The following CHD9 variants were observed in gnomAD, a reference collection of about 807,000 sequenced individuals.
CHD9 encodes ATP-dependent chromatin remodeler CHD9.
In CHD9, 77 loss-of-function variants were observed where a neutral mutation model predicts 316.1. The ratio of observed to expected loss-of-function variants is 0.24; its 90% CI spans 0.20 to 0.29. CHD9 has a LOEUF of 0.29. Ranked by LOEUF, CHD9 falls within the 10% of genes least tolerant of loss-of-function variation. The probability of loss-of-function intolerance (pLI) is 1.00; values close to 1 mark genes in which losing one functional copy is unlikely to be tolerated. For synonymous variants in CHD9, 1,129 were observed against 1,158.3 expected, an observed-to-expected ratio of 0.97 and a Z score of 0.51; for missense variants, 2,763 against 3,438.1, an observed-to-expected ratio of 0.80 and a Z score of 4.91.
At chr16:53,093,812 T>C (rs1379567741) in intron 1 of CHD9, among the ~76,000 whole-genome samples, 2 of 152,134 alleles carry the variant, frequency 1.3e-5, no homozygotes, top group South Asian at 2.1e-4. Context: ...TCTCTCATGA[T>C]GGACACTGAT....
chr16:53,215,554 T>A (rs528496807), intron 3 of CHD9, among the ~76,000 whole-genome samples: 1 of 152,312 alleles, frequency 6.6e-6, no homozygotes, highest in Admixed American at 6.5e-5. Context: ...TGTTTTGAGT[T>A]TATATTTGAG....
At chr16:53,180,627 A>G (rs1302983933) in intron 2 of CHD9, among the ~76,000 whole-genome samples, 1 of 152,096 alleles carries the variant, frequency 6.6e-6, no homozygotes. Flanking sequence ...TCTGATCTCT[A>G]TTAGTGGTAT....
chr16:53,178,002 C>T (rs2043201826), intron 2 of CHD9, among the ~76,000 whole-genome samples: 2 of 152,170 alleles, frequency 1.3e-5, no homozygotes, highest in African/African-American at 4.8e-5. Context: ...TAAGCATGCA[C>T]ATACTGGCAG....
chr16:53,195,327 A>G (rs1185669636), intron 2 of CHD9, among the ~76,000 whole-genome samples: 1 of 152,226 alleles, frequency 6.6e-6, no homozygotes, highest in Non-Finnish European at 1.5e-5. Flanking sequence ...CATATACCCA[A>G]GATTGGAATT....
intron 24 of CHD9, among the ~76,000 whole-genome samples, chr16:53,278,457 A>G (rs1302227128): frequency 6.6e-6 from 1 of 152,126 alleles, no homozygotes; most frequent in African/African-American, 2.4e-5. Context: ...ATAAAGCCAA[A>G]CACAGCCAAC....
chr16:53,081,195 G>A (rs1197179062), intron 1 of CHD9, among the ~76,000 whole-genome samples: 1 of 152,220 alleles, frequency 6.6e-6, no homozygotes, highest in Non-Finnish European at 1.5e-5. Context: ...ATGGAGGCAG[G>A]ATGGAAAATC....
At chr16:53,260,699 A>G (rs1003466536) in intron 19 of CHD9, among the ~76,000 whole-genome samples, 26 of 152,162 alleles carry the variant, frequency 1.7e-4, no homozygotes, top group South Asian at 2.1e-4. Context: ...TTCATTCTGG[A>G]AGCTTTAGGG....
chr16:53,295,079 A>G (rs1377856745), intron 29 of CHD9, among the ~76,000 whole-genome samples: 1 of 151,964 alleles, frequency 6.6e-6, no homozygotes. Context: ...TGTTTATTTC[A>G]CACTTAGCCC....
chr16:53,120,443 G>A (rs144058438), intron 1 of CHD9, among the ~76,000 whole-genome samples: 2 of 151,818 alleles, frequency 1.3e-5, no homozygotes, highest in East Asian at 1.9e-4. Flanking sequence ...GAGAAACTCC[G>A]TCTCTACTAA....
intron 27 of CHD9, among the ~76,000 whole-genome samples, chr16:53,290,210 G>T (rs1270684722): frequency 6.6e-6 from 1 of 152,162 alleles, no homozygotes; most frequent in Non-Finnish European, 1.5e-5. Flanking sequence ...GGAGGCGGAG[G>T]TTGCAGTGAG....
intron 2 of CHD9, among the ~76,000 whole-genome samples, chr16:53,192,559 ATG>A (rs1216378749): frequency 1.3e-5 from 2 of 152,284 alleles, no homozygotes; most frequent in Middle Eastern, 3.4e-3. Context: ...GTTTTGAAAA[ATG>A]TGCACAGTTC....
At chr16:53,238,653 C>A in intron 12 of CHD9, 67 bp downstream of exon 12, 1 of 1,458,998 alleles carries the variant, frequency 6.9e-7, no homozygotes, top group Non-Finnish European at 9.4e-7. Context: ...CATTACCTAC[C>A]AATTATTTTC....
chr16:53,074,221 G>A (rs770503481), intron 1 of CHD9, among the ~76,000 whole-genome samples: 3 of 152,156 alleles, frequency 2.0e-5, no homozygotes, highest in Non-Finnish European at 4.4e-5. Flanking sequence ...AGATGATTTA[G>A]GGTATCTGGT....
Position 53,209,728 on chromosome 16 carries a change from G to A in CHD9, c.1699G>A (p.Gly567Ser), listed in dbSNP as rs202112001. The A allele has an allele frequency of 5.8e-5, 93 of 1,613,356 alleles. No homozygotes were observed. In the East Asian group the frequency reaches 2.1e-3, roughly 36 times the overall value. ...ASVEGKEEKK[G>S]RRMKSKPKDK... ...AGTTGAAGGAAAAGAGGAAAAGAAA[G>A]GTAGAAGGATGAAATCCAAGCCAAA... The change falls in exon 3 of 39, where the codon GGT (glycine) becomes AGT (serine). Residue 567 changes from glycine (G) to serine (S), a missense_variant. By Grantham distance (56) the Gly-to-Ser change is moderately conservative. Transcript: ENST00000447540.
chr16:53,109,207 G>C (rs1216896939), intron 1 of CHD9, among the ~76,000 whole-genome samples: 1 of 151,350 alleles, frequency 6.6e-6, no homozygotes, highest in Middle Eastern at 3.2e-3. Context: ...TGAGGTGCAT[G>C]GGGGCACAGG....
intron 1 of CHD9, among the ~76,000 whole-genome samples, chr16:53,150,835 C>T (rs550094956): frequency 6.6e-6 from 1 of 152,276 alleles, no homozygotes; most frequent in South Asian, 2.1e-4. Flanking sequence ...GATGAGAAAT[C>T]CACTTGTATC....
At chr16:53,293,853 C>T (rs1347254057) in intron 29 of CHD9, among the ~76,000 whole-genome samples, 1 of 151,868 alleles carries the variant, frequency 6.6e-6, no homozygotes, top group African/African-American at 2.4e-5. Flanking sequence ...GAGGCTGAGG[C>T]ATGAGAATCG....
At chr16:53,175,562 G>A (rs2043044629) in intron 2 of CHD9, among the ~76,000 whole-genome samples, 2 of 152,148 alleles carry the variant, frequency 1.3e-5, no homozygotes, top group Non-Finnish European at 2.9e-5. Context: ...TCATTTTAAT[G>A]ACTGCATAAT....
chr16:53,077,589 A>T (rs1024970128), intron 1 of CHD9, among the ~76,000 whole-genome samples: 1 of 152,030 alleles, frequency 6.6e-6, no homozygotes, highest in Admixed American at 6.6e-5. Flanking sequence ...AGACTCCCAA[A>T]ATGCTGGGAT....
Sources: allele counts gnomAD v4.1 joint callset (sites outside exome capture counted in the v4.1 genomes callset), GRCh38; gene constraint gnomAD v4.1.1; transcripts MANE v1.5; gene names NCBI Gene and HGNC (gene_info 2026-07-23, HGNC 2026-07-21).